Variants in PTPN14 observed in about 807,000 individuals in gnomAD.
PTPN14 encodes the protein protein tyrosine phosphatase non-receptor type 14, also known as tyrosine-protein phosphatase non-receptor type 14.
A neutral mutation model predicts 126.8 loss-of-function variants in PTPN14; 53 were observed. That is an observed-to-expected ratio of 0.42 (90% CI 0.34 to 0.53). The LOEUF (loss-of-function observed/expected upper bound fraction) is 0.53. Ranked by LOEUF, PTPN14 falls within the 20% of genes least tolerant of loss-of-function variation. The pLI, the probability that PTPN14 is intolerant of heterozygous loss-of-function variation, is 0.08. For synonymous variants in PTPN14, 630 were observed against 599.3 expected (o/e 1.05, Z -0.75); for missense variants, 1,257 against 1,552.9 (o/e 0.81, Z 3.20).
intron 1 of PTPN14, among the ~76,000 whole-genome samples, chr1:214,541,042 T>C (rs1455358843): frequency 6.6e-6 from 1 of 152,134 alleles, no homozygotes. Context: ...ATAAATAAAT[T>C]ACAAAATATG....
chr1:214,542,691 G>A (rs1655869598), intron 1 of PTPN14, among the ~76,000 whole-genome samples: 2 of 152,188 alleles, frequency 1.3e-5, no homozygotes, highest in African/African-American at 4.8e-5. Context: ...AGGCAATGAT[G>A]AGTGTTAGGA....
intron 5 of PTPN14, among the ~76,000 whole-genome samples, chr1:214,410,485 G>T (rs932276784): frequency 5.3e-5 from 8 of 152,148 alleles, no homozygotes; most frequent in Middle Eastern, 3.4e-3. Flanking sequence ...TAGAGATGGG[G>T]TTTCACCATA....
intron 1 of PTPN14, among the ~76,000 whole-genome samples, chr1:214,534,158 T>TA (rs372044854): frequency 1.3e-5 from 2 of 152,126 alleles, no homozygotes; most frequent in African/African-American, 4.8e-5. Context: ...GTTGTAAACT[T>TA]AAAGATTGAT....
chr1:214,450,132 C>CT (rs1660239927), intron 3 of PTPN14, among the ~76,000 whole-genome samples: 1 of 57,640 alleles, frequency 1.7e-5, no homozygotes, highest in African/African-American at 8.3e-5. Context: ...GACTCTATCT[C>CT]AAAATAAATA....
At chr1:214,404,007 G>A (rs1659101002) in intron 5 of PTPN14, among the ~76,000 whole-genome samples, 1 of 152,168 alleles carries the variant, frequency 6.6e-6, no homozygotes, top group Admixed American at 6.5e-5. Flanking sequence ...AGGATGGGAG[G>A]TAGGGACTGA....
intron 1 of PTPN14, among the ~76,000 whole-genome samples, chr1:214,517,096 G>A (rs1050364120): frequency 1.3e-5 from 2 of 152,080 alleles, no homozygotes; most frequent in Non-Finnish European, 2.9e-5. Context: ...TGTCATCCAG[G>A]CAAATGTAAT....
chr1:214,464,638 G>A lies in PTPN14; in HGVS notation c.166C>T (p.Leu56=). The change falls in exon 2 of 19, where the codon CTG becomes TTG. Residue 56 remains leucine, a synonymous_variant. Transcript: ENST00000366956. ...CLEAVAQRLE[L]RETHYFGLWF... is the part of the protein sequence containing the mutation. ...AGACACACCCCTCTTACCTCTCGCA[G>A]CTCCAGCCTCTGGGCCACAGCCTCC... 1 of 1,614,124 alleles carries A rather than the reference G, an allele frequency of 6.2e-7. No homozygotes were observed. Among genetic ancestry groups the A allele is most frequent in the Non-Finnish European group, 8.5e-7 (1 of 1,179,938 alleles).
rs576594716 is a variant in PTPN14 at position 214,402,299 on chromosome 1, G to T, written c.582-527C>A. Among the ~76,000 whole-genome samples, 19 of 151,772 alleles carry T rather than the reference G, an allele frequency of 1.3e-4. No individual in the cohort carries two copies. The South Asian group carries it at 3.8e-3, about 30-fold the overall frequency. ...CTAAAAATACAAAAATTAGCTGGGT[G>T]TGGTGGTGCATGTGCCTGTAATCCC... On this transcript the variant is annotated intron_variant, in intron 6 of 18. Coordinates refer to ENST00000366956, the MANE Select transcript of PTPN14 (RefSeq NM_005401.5).
chr1:214,359,145 A>C (rs1388560820), intron 18 of PTPN14, among the ~76,000 whole-genome samples: 3 of 152,152 alleles, frequency 2.0e-5, no homozygotes, highest in Non-Finnish European at 4.4e-5. Context: ...TAAACCTTTA[A>C]AATGTCAAAG....
At chr1:214,530,344 T>TC (rs953724414) in intron 1 of PTPN14, 1 of 149,596 alleles carries the variant, frequency 6.7e-6, no homozygotes, top group Non-Finnish European at 1.5e-5. Context: ...TTTCTTTTTT[T>TC]TTTTTTTTTT....
chr1:214,513,491 A>T (rs1655026049), intron 1 of PTPN14, among the ~76,000 whole-genome samples: 1 of 151,468 alleles, frequency 6.6e-6, no homozygotes, highest in Admixed American at 6.6e-5. Flanking sequence ...CAGTCTAGGC[A>T]CAATTATCTA....
intron 18 of PTPN14, among the ~76,000 whole-genome samples, chr1:214,359,471 C>T (rs1657904814): frequency 6.6e-6 from 1 of 151,440 alleles, no homozygotes; most frequent in Admixed American, 6.6e-5. Context: ...ATCCGCCTGC[C>T]TCGGCCTCCC....
chr1:214,481,987 C>CAAAAAAAAA (rs749522633), intron 1 of PTPN14, among the ~76,000 whole-genome samples: 1 of 86,020 alleles, frequency 1.2e-5, no homozygotes. Flanking sequence ...AGTCTGTCTC[C>CAAAAAAAAA]AAAAAAAAAA....
At position 214,464,735 on chromosome 1, in the gene PTPN14, T is replaced by C. The variant is rs1358352115; in HGVS notation, c.69A>G (p.Thr23=). ...CATTGCTGTCCAGCAGGCGAATCCG[T>C]GTGACAAAGCAGTTCTTGCTCAGGA... ...YNVLSKNCFV[T]RIRLLDSNVI... The change falls in exon 2 of 19, where the codon ACA becomes ACG. Residue 23 remains threonine, a synonymous_variant. Coordinates refer to ENST00000366956, the MANE Select transcript of PTPN14 (RefSeq NM_005401.5). The C allele has an allele frequency of 6.2e-7, 1 of 1,614,266 alleles. No individual in the cohort carries two copies. Among genetic ancestry groups the C allele is most frequent in the South Asian group, 1.1e-5 (1 of 91,090 alleles).
chr1:214,386,709 G>A lies in PTPN14; in HGVS notation c.1066+135C>T, dbSNP rs1023113413. The A allele has an allele frequency of 8.3e-6, 8 of 960,138 alleles. No homozygotes were observed. In the African/African-American group the frequency reaches 9.9e-5, roughly 12 times the overall value. The allele number at this position is 960,138 out of a possible 1,614,324, so 59.5% of individuals were successfully genotyped here. On this transcript the variant is annotated intron_variant, in intron 12 of 18. Coordinates refer to ENST00000366956, the MANE Select transcript of PTPN14 (RefSeq NM_005401.5). ...TCTAGGCCTTCCACAAACTGAAGCT[G>A]TTAGCTACTGTCATTCAGACGATGA...
rs117740158 is a variant in PTPN14, at chr1:214,482,026, A to G, written c.-154-17069T>C. On this transcript the variant is annotated intron_variant, in intron 1 of 18. Transcript: ENST00000366956. ...AAGGCAAGAATGAAGACTTCTTGCT[A>G]TTACCTGTGCATGGATACTCTCAAG... Among the ~76,000 whole-genome samples, 137 of 151,560 alleles carry G rather than the reference A, an allele frequency of 9.0e-4. 1 individual carries two copies. The East Asian group carries it at 0.023, about 25-fold the overall frequency.
chr1:214,471,655 T>C (rs1335310599), intron 1 of PTPN14, among the ~76,000 whole-genome samples: 1 of 152,158 alleles, frequency 6.6e-6, no homozygotes, highest in Non-Finnish European at 1.5e-5. Flanking sequence ...TGGCAAAGCA[T>C]AGAGTTTAAC....
At chr1:214,545,743 G>C (rs1438232922) in intron 1 of PTPN14, among the ~76,000 whole-genome samples, 2 of 152,176 alleles carry the variant, frequency 1.3e-5, no homozygotes, top group Admixed American at 6.5e-5. Context: ...TGCCTGGCTT[G>C]AGCAGCTAAC....
At chr1:214,368,478 G>A (rs890256633) in intron 17 of PTPN14, among the ~76,000 whole-genome samples, 5 of 152,068 alleles carry the variant, frequency 3.3e-5, no homozygotes, top group Non-Finnish European at 7.4e-5. Flanking sequence ...TGGGATTATA[G>A]GTGTGAGCCA....
Sources: gnomAD v4.1 joint callset for allele counts (sites outside exome capture counted in the v4.1 genomes callset) on GRCh38, gnomAD v4.1.1 for gene constraint, MANE v1.5 for transcripts, NCBI Gene and HGNC (gene_info 2026-07-23, HGNC 2026-07-21) for gene names.